The following CENPP variants were observed in gnomAD, a reference collection of about 807,000 sequenced individuals.
CENPP encodes centromere protein P.
In CENPP, 24 loss-of-function variants were observed where a neutral mutation model predicts 35.6. That is an observed-to-expected ratio of 0.67 (90% confidence interval 0.49 to 0.95). The LOEUF is 0.95. CENPP is among the 40% of genes least tolerant of loss of function. CENPP has a pLI of 0.00. For synonymous variants in CENPP, 120 were observed against 125.5 expected (o/e 0.96, Z 0.29); for missense variants, 332 against 345.3 (o/e 0.96, Z 0.31).
chr9:92,489,077 T>C (rs958554131), intron 5 of CENPP, among the ~76,000 whole-genome samples: 1 of 152,234 alleles, frequency 6.6e-6, no homozygotes, highest in African/African-American at 2.4e-5. Flanking sequence ...GTTTAGAACA[T>C]TTATTCCTTT....
At chr9:92,522,003 A>T (rs1449528859) in intron 5 of CENPP, among the ~76,000 whole-genome samples, 1 of 152,240 alleles carries the variant, frequency 6.6e-6, no homozygotes, top group Non-Finnish European at 1.5e-5. Context: ...TAGTGGTAGG[A>T]TAAGTAATTT....
intron 5 of CENPP, among the ~76,000 whole-genome samples, chr9:92,533,331 AT>A (rs1563991499): frequency 9.1e-4 from 72 of 79,072 alleles, no homozygotes; most frequent in African/African-American, 2.1e-3. Context: ...AAAAAAAAAT[AT>A]ATATATATAT....
chr9:92,611,920 G>GT (rs1382493169), intron 6 of CENPP, among the ~76,000 whole-genome samples: 1 of 152,200 alleles, frequency 6.6e-6, no homozygotes, highest in East Asian at 1.9e-4. Flanking sequence ...AACTCAACTG[G>GT]TTTCCAAGCT....
intron 1 of CENPP, among the ~76,000 whole-genome samples, 184 bp from the exon 2 acceptor site, chr9:92,331,986 G>C (rs1222874128): frequency 6.6e-6 from 1 of 152,098 alleles, no homozygotes; most frequent in Admixed American, 6.6e-5. Flanking sequence ...GGTGGTGTTA[G>C]TAACCACACT....
chr9:92,522,497 C>T, intron 5 of CENPP: 1 of 1,330,888 alleles, frequency 7.5e-7, no homozygotes, highest in East Asian at 2.6e-5. Flanking sequence ...CTCCCTCTCT[C>T]CCTCTCTCCT....
intron 5 of CENPP, among the ~76,000 whole-genome samples, chr9:92,540,197 G>A (rs1043534357): frequency 6.6e-6 from 1 of 152,172 alleles, no homozygotes; most frequent in Non-Finnish European, 1.5e-5. Flanking sequence ...CCTGCACTTC[G>A]GGAGGCCGAA....
chr9:92,414,720 G>C (rs564816648), intron 5 of CENPP: 226 of 214,514 alleles, frequency 1.1e-3, no homozygotes, highest in African/African-American at 4.5e-3. Context: ...ATGAATGCTT[G>C]TTACATTAAT....
chr9:92,548,224 T>TTGA (rs1554685745), intron 5 of CENPP, among the ~76,000 whole-genome samples: 5 of 151,642 alleles, frequency 3.3e-5, no homozygotes, highest in Admixed American at 2.0e-4. Context: ...TTGTGGGGTC[T>TTGA]TTCACTGCTG....
chr9:92,420,421 C>A (rs1015525071), intron 5 of CENPP, among the ~76,000 whole-genome samples: 12 of 152,190 alleles, frequency 7.9e-5, no homozygotes, highest in African/African-American at 2.9e-4. Context: ...AATTCTCTAC[C>A]TACTCACAGC....
At chr9:92,477,807 C>G (rs1845765246) in intron 5 of CENPP, among the ~76,000 whole-genome samples, 2 of 151,918 alleles carry the variant, frequency 1.3e-5, no homozygotes, top group Admixed American at 1.3e-4. Flanking sequence ...ACTTGAATGT[C>G]AGGTACATTA....
rs1428436562 is a variant in CENPP at position 92,612,555 on chromosome 9, T to C, written c.677T>C (p.Ile226Thr). 1.2e-6 allele frequency: 2 copies of C among 1,614,032 alleles called. No individual in the cohort carries two copies. The highest frequency in any genetic ancestry group is 2.2e-5 in the South Asian group (2 of 91,074). Reference protein sequence around the residue: ...FELVIVWRIQIDEDGKVFPKL... With the variant: ...FELVIVWRIQTDEDGKVFPKL... ...TTAGTCATTGTTTGGAGGATACAAA[T>C]AGATGAAGATGGGAAGGTTTTTCCA... is the stretch of plus-strand genomic sequence containing the variant. Residue 226 changes from isoleucine (I) to threonine (T), a missense_variant, in exon 7 of 8, where the codon ATA (isoleucine) becomes ACA (threonine). Coordinates refer to ENST00000375587, the MANE Select transcript of CENPP (RefSeq NM_001012267.3).
At chr9:92,564,903 T>C (rs1271138799) in intron 5 of CENPP, among the ~76,000 whole-genome samples, 1 of 152,218 alleles carries the variant, frequency 6.6e-6, no homozygotes, top group Non-Finnish European at 1.5e-5. Flanking sequence ...TGTTAAGCCA[T>C]TCTACTTCTA....
chr9:92,587,352 C>T (rs1850564783), intron 5 of CENPP, among the ~76,000 whole-genome samples: 1 of 151,990 alleles, frequency 6.6e-6, no homozygotes, highest in Non-Finnish European at 1.5e-5. Context: ...ACCTGTAATC[C>T]CAGCTACTGG....
At chr9:92,576,432 CACA>C (rs1403363510) in intron 5 of CENPP, among the ~76,000 whole-genome samples, 1 of 152,110 alleles carries the variant, frequency 6.6e-6, no homozygotes, top group African/African-American at 2.4e-5. Flanking sequence ...GTGATGGTTG[CACA>C]ACATTATGAA....
At chr9:92,397,251 C>T (rs1250755401) in intron 5 of CENPP, among the ~76,000 whole-genome samples, 1 of 152,102 alleles carries the variant, frequency 6.6e-6, no homozygotes, top group Non-Finnish European at 1.5e-5. Flanking sequence ...AGCAAGATGT[C>T]CCAAACTAAC....
At chr9:92,390,893 C>T (rs1842649879) in intron 5 of CENPP, among the ~76,000 whole-genome samples, 1 of 152,142 alleles carries the variant, frequency 6.6e-6, no homozygotes. Context: ...AACATATTTT[C>T]CCTGTAGGCA....
At chr9:92,587,208 G>A (rs1006653823) in intron 5 of CENPP, among the ~76,000 whole-genome samples, 6 of 152,146 alleles carry the variant, frequency 3.9e-5, no homozygotes, top group Non-Finnish European at 5.9e-5. Flanking sequence ...GGTGGCTCAC[G>A]CCTGTAATCC....
chr9:92,498,102 A>T (rs553999295), intron 5 of CENPP, among the ~76,000 whole-genome samples: 2 of 152,302 alleles, frequency 1.3e-5, no homozygotes, highest in African/African-American at 2.4e-5. Flanking sequence ...GCATTACTTT[A>T]TAGCATCAGA....
chr9:92,381,285 C>CTT (rs200993869), intron 5 of CENPP, among the ~76,000 whole-genome samples: 1 of 136,486 alleles, frequency 7.3e-6, no homozygotes, highest in Non-Finnish European at 1.6e-5. Flanking sequence ...GATTTCTTTT[C>CTT]TTTTTTTTTT....
Sources: gnomAD v4.1 joint callset for allele counts (sites outside exome capture counted in the v4.1 genomes callset) on GRCh38, gnomAD v4.1.1 for gene constraint, MANE v1.5 for transcripts, NCBI Gene and HGNC (gene_info 2026-07-23, HGNC 2026-07-21) for gene names.